The following AGPAT5 variants were observed in gnomAD, a reference collection of about 807,000 sequenced individuals.
AGPAT5 encodes 1-acyl-sn-glycerol-3-phosphate acyltransferase epsilon.
In AGPAT5, 46 loss-of-function variants were observed where a neutral mutation model predicts 45.6. The observed-to-expected ratio is 1.01, with a 90% CI of 0.80 to 1.29. The LOEUF (loss-of-function observed/expected upper bound fraction) is 1.29, where lower values mean the gene tolerates loss of function less well. AGPAT5 is among the 50% of genes most tolerant of loss of function. The pLI is 0.00. For synonymous variants in AGPAT5, 272 were observed against 167.0 expected (o/e 1.63, Z -4.85); for missense variants, 673 against 450.7 (o/e 1.49, Z -4.47).
Position 6,708,705 on chromosome 8 carries a change from C to A in AGPAT5, c.37C>A (p.Arg13Ser), listed in dbSNP as rs1800020937. ...CCTGGTGCTCCACACGTACTCCATG[C>A]GCTACCTGCTGCCCAGCGTCGTGCT... ...LSLVLHTYSMRYLLPSVVLLG... is the reference protein window; with the variant it reads ...LSLVLHTYSMSYLLPSVVLLG... The change falls in exon 1 of 8, where the codon CGC becomes AGC. Residue 13 changes from arginine to serine, a missense_variant. Arg to Ser is a moderately radical substitution (Grantham distance 110, BLOSUM62 -1). Coordinates refer to ENST00000285518, the MANE Select transcript of AGPAT5 (RefSeq NM_018361.5). The A allele has an allele frequency of 6.2e-7, 1 of 1,604,952 alleles. No individual in the cohort carries two copies. Among genetic ancestry groups the A allele is most frequent in the Non-Finnish European group, 8.5e-7 (1 of 1,179,456 alleles).
chr8:6,747,832 A>G lies in AGPAT5; in HGVS notation c.745+4A>G. Reference sequence around the variant, plus strand: ...AGAGAGTCACCGACCATGACGGGTAAGTGTGTTCACGCACCTGAAATGCCT... The same window carrying G: ...AGAGAGTCACCGACCATGACGGGTAGGTGTGTTCACGCACCTGAAATGCCT... On this transcript the variant is annotated splice_donor_region_variant and intron_variant, in intron 6 of 7. Transcript: ENST00000285518. 1 of 1,613,858 alleles carries G rather than the reference A, an allele frequency of 6.2e-7. No individual in the cohort carries two copies.
intron 2 of AGPAT5, among the ~76,000 whole-genome samples, chr8:6,729,471 G>T (rs75097495): frequency 1.3e-5 from 2 of 150,594 alleles, no homozygotes; most frequent in African/African-American, 4.9e-5. Flanking sequence ...TTCGAGTATC[G>T]TTGAGCTCAT....
intron 1 of AGPAT5, among the ~76,000 whole-genome samples, chr8:6,713,247 G>T (rs1319047090): frequency 6.6e-6 from 1 of 152,192 alleles, no homozygotes; most frequent in Non-Finnish European, 1.5e-5. Context: ...TGGGATTACA[G>T]GTGTGAGCCA....
chr8:6,730,687 G>A (rs766341895), intron 2 of AGPAT5, 24 bp from the exon 3 acceptor site: 28 of 1,545,400 alleles, frequency 1.8e-5, no homozygotes, highest in East Asian at 1.8e-4. Context: ...TCATGTACGC[G>A]CTAACTGGGT....
chr8:6,760,723 C>G lies in AGPAT5; in HGVS notation c.*3335C>G, dbSNP rs1004500003. Among the ~76,000 whole-genome samples, 1 of 152,104 alleles carries G rather than the reference C, an allele frequency of 6.6e-6. No homozygotes were observed. Among genetic ancestry groups the G allele is most frequent in the Admixed American group, 6.5e-5 (1 of 15,278 alleles). On this transcript the variant is annotated 3_prime_UTR_variant, in exon 8 of 8. Coordinates refer to ENST00000285518, the MANE Select transcript of AGPAT5 (RefSeq NM_018361.5). The stretch of plus-strand genomic sequence containing the variant: ...CCTCCTTTTGGGCCAGTTTTCATTA[C>G]GAGTAACTCACACTTTTTGATTAAA...
At chr8:6,717,501 A>G (rs1800369871) in intron 1 of AGPAT5, among the ~76,000 whole-genome samples, 1 of 152,236 alleles carries the variant, frequency 6.6e-6, no homozygotes, top group Non-Finnish European at 1.5e-5. Flanking sequence ...ACCGTAAAGT[A>G]ACACATAATT....
chr8:6,714,730 G>C (rs1800263998), intron 1 of AGPAT5, among the ~76,000 whole-genome samples: 1 of 152,144 alleles, frequency 6.6e-6, no homozygotes, highest in Non-Finnish European at 1.5e-5. Context: ...AGGTTCTTTA[G>C]TTAAATGAAC....
intron 1 of AGPAT5, among the ~76,000 whole-genome samples, chr8:6,714,688 A>C (rs116542141): frequency 6.6e-6 from 1 of 152,218 alleles, no homozygotes; most frequent in African/African-American, 2.4e-5. Context: ...ATTTCTTCCA[A>C]GAGCTTTTGA....
intron 1 of AGPAT5, among the ~76,000 whole-genome samples, chr8:6,721,421 G>A (rs149122997): frequency 6.6e-5 from 10 of 152,248 alleles, no homozygotes; most frequent in African/African-American, 2.4e-4. Flanking sequence ...TGAATAAAAA[G>A]TTCCATTTCA....
intron 5 of AGPAT5, among the ~76,000 whole-genome samples, chr8:6,747,240 C>T (rs1416733924): frequency 1.3e-5 from 2 of 152,208 alleles, no homozygotes; most frequent in Non-Finnish European, 2.9e-5. Context: ...ACAGATGAAC[C>T]TCAGATCCAT....
Position 6,717,460 on chromosome 8 carries a change from A to G in AGPAT5, c.220-7410A>G, listed in dbSNP as rs114914513. On this transcript the variant is annotated intron_variant, in intron 1 of 7. Coordinates refer to ENST00000285518, the MANE Select transcript of AGPAT5 (RefSeq NM_018361.5). ...TAACCACCTACTGTTAAAAGGTGTA[A>G]TGTTCTAGACTGACAAAATACATAG... is the stretch of plus-strand genomic sequence containing the variant. Among the ~76,000 whole-genome samples the G allele has an allele frequency of 1.0e-2, 1,521 of 152,338 alleles. 21 individuals carry two copies. The highest frequency in any genetic ancestry group is 0.035 in the African/African-American group (1,465 of 41,568).
At position 6,732,737 on chromosome 8, in the gene AGPAT5, A is replaced by G. The variant is rs551550888; in HGVS notation, c.495+87A>G. On this transcript the variant is annotated intron_variant, in intron 4 of 7. Coordinates refer to ENST00000285518, the MANE Select transcript of AGPAT5 (RefSeq NM_018361.5). ...ATTAAAATCTAAGAATTGTTTTGAC[A>G]ATGTATTTTCCCATGTGTAATTACT... The G allele has an allele frequency of 6.3e-5, 76 of 1,198,084 alleles. No individual in the cohort carries two copies. The African/African-American group carries it at 1.0e-3, about 16-fold the overall frequency. The allele number at this position is 1,198,084 out of a possible 1,614,324, so 74.2% of individuals were successfully genotyped here.
intron 6 of AGPAT5, among the ~76,000 whole-genome samples, chr8:6,751,508 C>T (rs1228106563): frequency 6.6e-6 from 1 of 152,182 alleles, no homozygotes; most frequent in Non-Finnish European, 1.5e-5. Context: ...TACAGGAATT[C>T]TTGTAGTCAC....
intron 1 of AGPAT5, among the ~76,000 whole-genome samples, chr8:6,711,415 G>T (rs1233668543): frequency 1.3e-5 from 2 of 152,098 alleles, no homozygotes; most frequent in Non-Finnish European, 2.9e-5. Flanking sequence ...ATCCTTTTAG[G>T]TCCTTCCAGA....
chr8:6,733,567 T>C (rs1245540358), intron 4 of AGPAT5, among the ~76,000 whole-genome samples: 2 of 152,224 alleles, frequency 1.3e-5, no homozygotes, highest in Non-Finnish European at 2.9e-5. Flanking sequence ...TATCCTGTTA[T>C]AGCTAACCCT....
chr8:6,741,725 C>G lies in AGPAT5; in HGVS notation c.560C>G (p.Ala187Gly). 6.2e-7 allele frequency: 1 copy of G among 1,612,362 alleles called. No individual in the cohort carries two copies. The highest frequency in any genetic ancestry group is 1.3e-5 in the African/African-American group (1 of 74,956). The change falls in exon 5 of 8, where the codon GCT becomes GGT. Residue 187 changes from alanine to glycine, a missense_variant. Coordinates refer to ENST00000285518, the MANE Select transcript of AGPAT5 (RefSeq NM_018361.5). ...YNPEQTKVLS[A>G]SQAFAAQRGL... ...CCAGAGCAAACAAAAGTCCTTTCAG[C>G]TAGTCAGGCATTTGCTGCCCAACGT...
At chr8:6,735,472 C>T (rs965499124) in intron 4 of AGPAT5, among the ~76,000 whole-genome samples, 4 of 152,190 alleles carry the variant, frequency 2.6e-5, no homozygotes, top group African/African-American at 9.7e-5. Context: ...GTTCCACTGG[C>T]TCATACTTGG....
chr8:6,716,041 G>A (rs182186197), intron 1 of AGPAT5, among the ~76,000 whole-genome samples: 6 of 151,976 alleles, frequency 3.9e-5, no homozygotes, highest in Non-Finnish European at 5.9e-5. Flanking sequence ...ACATTAGACC[G>A]CTCCTCTCTG....
chr8:6,712,881 T>C lies in AGPAT5; in HGVS notation c.219+3994T>C, dbSNP rs7821989. 6.0e-3 allele frequency among the ~76,000 whole-genome samples: 879 copies of C among 147,596 alleles called. 11 individuals carry two copies. Among genetic ancestry groups the C allele is most frequent in the Middle Eastern group, 0.024 (7 of 292 alleles). The stretch of plus-strand genomic sequence containing the variant: ...AGGATGTCTTCAAATGTCAGAATTC[T>C]TTTTTCTTTGCTTCTTTTTTAAAAA... On this transcript the variant is annotated intron_variant, in intron 1 of 7. Coordinates refer to ENST00000285518, the MANE Select transcript of AGPAT5 (RefSeq NM_018361.5).
Sources: gnomAD v4.1 joint callset for allele counts (sites outside exome capture counted in the v4.1 genomes callset) on GRCh38, gnomAD v4.1.1 for gene constraint, MANE v1.5 for transcripts, NCBI Gene and HGNC (gene_info 2026-07-23, HGNC 2026-07-21) for gene names.